Variants in ETFB observed in about 807,000 individuals in gnomAD.
ETFB encodes electron transfer flavoprotein subunit beta.
ETFB carries 20 observed loss-of-function variants against 25.6 expected under a neutral mutation model. That is an observed-to-expected ratio of 0.78 (90% CI 0.55 to 1.14). ETFB has a LOEUF of 1.14. ETFB is among the 50% of genes most tolerant of loss of function. The pLI is 0.00. For synonymous variants in ETFB, 142 were observed against 146.7 expected, an observed-to-expected ratio of 0.97 and a Z score of 0.23; for missense variants, 286 against 342.6, an observed-to-expected ratio of 0.83 and a Z score of 1.30.
chr19:51,347,223 G>A, intron 4 of ETFB, 165 bp from the exon 5 acceptor site: 2 of 703,810 alleles, frequency 2.8e-6, no homozygotes, highest in South Asian at 1.7e-5. Context: ...ACACCTGGGA[G>A]AGGGTCTTTT....
chr19:51,357,490 CT>C (rs59847031), intron 1 of ETFB, among the ~76,000 whole-genome samples: 26 of 109,142 alleles, frequency 2.4e-4, no homozygotes, highest in Admixed American at 5.0e-4. Flanking sequence ...TTCTTTCTTT[CT>C]TTTTTTTTTT....
chr19:51,347,912 A>T (rs1366299153), intron 4 of ETFB: 1 of 152,214 alleles, frequency 6.6e-6, no homozygotes, highest in African/African-American at 2.4e-5. Context: ...ATCATTTCCA[A>T]TCAGAAGGAA....
chr19:51,355,431 G>C (rs1986056387), intron 1 of ETFB: 1 of 152,194 alleles, frequency 6.6e-6, no homozygotes, highest in Admixed American at 6.5e-5. Flanking sequence ...TCATTAAAAA[G>C]TCAGGAAAGA....
intron 3 of ETFB, among the ~76,000 whole-genome samples, chr19:51,352,507 C>T (rs768764982): frequency 3.3e-5 from 5 of 152,164 alleles, no homozygotes; most frequent in Non-Finnish European, 5.9e-5. Flanking sequence ...TCTCCTGCCA[C>T]ATCATGTCTC....
chr19:51,353,060 C>A (rs1385214002), intron 3 of ETFB, 72 bp downstream of exon 3: 3 of 1,593,502 alleles, frequency 1.9e-6, no homozygotes, highest in African/African-American at 2.7e-5. Flanking sequence ...TGCTGTCTCA[C>A]CCCGTATCTC....
intron 4 of ETFB, chr19:51,350,086 A>C (rs1220326817): frequency 2.7e-5 from 13 of 481,894 alleles, no homozygotes; most frequent in Non-Finnish European, 4.2e-5. Flanking sequence ...AGAGATGGGG[A>C]CTGGGGAACC....
chr19:51,348,594 T>G (rs1464698902), intron 4 of ETFB: 1 of 151,990 alleles, frequency 6.6e-6, no homozygotes, highest in African/African-American at 2.4e-5. Flanking sequence ...CATCTCTATC[T>G]AAATAAAAGA....
chr19:51,354,586 A>G, intron 1 of ETFB: 1 of 1,614,102 alleles, frequency 6.2e-7, no homozygotes, highest in Non-Finnish European at 8.5e-7. Context: ...CAGGCCTGAA[A>G]GAGTGTTTCT....
chr19:51,366,311 CG>C lies in ETFB; in HGVS notation c.15del (p.Val6CysfsTer3). MAEL[R>X]VLVAVKRVID... ...ATGACCCTCTTGACAGCTACGAGCA[CG>C]CGCAGCTCCGCCATCTTCCCGCCGC... On this transcript the variant is annotated frameshift_variant, in exon 1 of 6. Transcript: ENST00000309244. LOFTEE classifies it high-confidence loss of function. 6.2e-7 allele frequency: 1 copy of C among 1,612,876 alleles called. No homozygotes were observed. Among genetic ancestry groups the C allele is most frequent in the Non-Finnish European group, 8.5e-7 (1 of 1,179,852 alleles).
intron 1 of ETFB, among the ~76,000 whole-genome samples, chr19:51,359,580 G>GACACAC (rs142691724): frequency 6.6e-6 from 1 of 150,664 alleles, no homozygotes; most frequent in Non-Finnish European, 1.5e-5. Flanking sequence ...GAACTTTCCA[G>GACACAC]ACACACACAC....
At chr19:51,345,488 C>A in intron 5 of ETFB, 107 bp from the exon 6 acceptor site, 1 of 1,108,688 alleles carries the variant, frequency 9.0e-7, no homozygotes, top group Admixed American at 1.9e-5. Context: ...ATGGGCTGAA[C>A]CCTCTGGACC....
At chr19:51,346,781 T>C (rs2123571838) in intron 5 of ETFB, 119 bp downstream of exon 5, 1 of 1,001,090 alleles carries the variant, frequency 1.0e-6, no homozygotes, top group East Asian at 2.6e-5. Context: ...GGTGACGGCT[T>C]CCTGTGCACG....
At chr19:51,364,952 GC>G (rs1277750412) in intron 1 of ETFB, among the ~76,000 whole-genome samples, 4 of 152,168 alleles carry the variant, frequency 2.6e-5, no homozygotes, top group African/African-American at 9.7e-5. Flanking sequence ...ACTTTGGGGG[GC>G]CGAGGCAGGC....
At chr19:51,351,541 GGACATCGGAGTCT>G (rs1313785135) in intron 3 of ETFB, among the ~76,000 whole-genome samples, 2 of 152,244 alleles carry the variant, frequency 1.3e-5, no homozygotes, top group Admixed American at 6.5e-5. Flanking sequence ...AGGACAGGTA[GGACATCGGAGTCT>G]GAGAACGACC....
intron 3 of ETFB, among the ~76,000 whole-genome samples, chr19:51,351,782 C>T (rs767574919): frequency 6.6e-6 from 1 of 151,984 alleles, no homozygotes; most frequent in Non-Finnish European, 1.5e-5. Context: ...GACCCATCAG[C>T]CTCCTCTTTG....
chr19:51,345,651 G>A, intron 5 of ETFB: 1 of 523,536 alleles, frequency 1.9e-6, no homozygotes, highest in Non-Finnish European at 3.5e-6. Flanking sequence ...GCAACAGAGT[G>A]GCAAACCCAT....
chr19:51,359,088 G>A (rs777731622), intron 1 of ETFB, among the ~76,000 whole-genome samples: 1 of 152,038 alleles, frequency 6.6e-6, no homozygotes, highest in South Asian at 2.1e-4. Flanking sequence ...CATCTCTCTC[G>A]TTGCCCAGGC....
chr19:51,347,260 G>A, intron 4 of ETFB: 1 of 599,932 alleles, frequency 1.7e-6, no homozygotes, highest in East Asian at 2.9e-5. Context: ...CACGGTGTAT[G>A]TCCTGATGTC....
rs1478290161 is a variant in ETFB, at chr19:51,353,116, G to A, written c.375+16C>T. ...GGGATGAGCAAGGGGGCACAGGGAGGGCTGACCACAGCTACCTGTTTGCCC... is the reference window on the plus strand; with the variant it reads ...GGGATGAGCAAGGGGGCACAGGGAGAGCTGACCACAGCTACCTGTTTGCCC... On this transcript the variant is annotated intron_variant, in intron 3 of 5. Transcript: ENST00000309244. 1 of 1,613,690 alleles carries A rather than the reference G, an allele frequency of 6.2e-7. No homozygotes were observed. Among genetic ancestry groups the A allele is most frequent in the East Asian group, 2.2e-5 (1 of 44,882 alleles).
Sources: allele counts gnomAD v4.1 joint callset (sites outside exome capture counted in the v4.1 genomes callset), GRCh38; gene constraint gnomAD v4.1.1; transcripts MANE v1.5; gene names NCBI Gene and HGNC (gene_info 2026-07-23, HGNC 2026-07-21).